Variants in CDYL2 observed in about 807,000 individuals in gnomAD.
The protein encoded by CDYL2 is chromodomain Y-like protein 2.
A neutral mutation model predicts 49.4 loss-of-function variants in CDYL2; 23 were observed. The observed-to-expected ratio is 0.47, with a 90% CI of 0.34 to 0.66. The LOEUF is 0.66. Ranked by LOEUF, CDYL2 falls within the 30% of genes least tolerant of loss-of-function variation. The pLI is 0.01. For synonymous variants in CDYL2, 360 were observed against 268.8 expected, an observed-to-expected ratio of 1.34 and a Z score of -3.32; for missense variants, 678 against 656.4, an observed-to-expected ratio of 1.03 and a Z score of -0.36.
At chr16:80,718,042 C>G (rs996788186) in intron 1 of CDYL2, among the ~76,000 whole-genome samples, 1 of 152,124 alleles carries the variant, frequency 6.6e-6, no homozygotes, top group Non-Finnish European at 1.5e-5. Context: ...CCTGACAAAC[C>G]CAGGAGGGGC....
rs187379943 is a variant in CDYL2 at position 80,679,564 on chromosome 16, G to A, written c.616+4974C>T. Among the ~76,000 whole-genome samples the A allele has an allele frequency of 5.6e-3, 851 of 152,306 alleles. 6 individuals are homozygous for A. Among genetic ancestry groups the A allele is most frequent in the African/African-American group, 0.019 (792 of 41,558 alleles). On this transcript the variant is annotated intron_variant, in intron 2 of 6. Coordinates refer to ENST00000570137, the MANE Select transcript of CDYL2 (RefSeq NM_152342.4). ...AAACTACCTCTCACGACTGCCATGA[G>A]GATCACACAAGGTACTTTGGAAACT...
chr16:80,629,076 G>A (rs1006324161), intron 3 of CDYL2, among the ~76,000 whole-genome samples: 1 of 152,186 alleles, frequency 6.6e-6, no homozygotes, highest in East Asian at 1.9e-4. Context: ...GGTATGTGAG[G>A]TGGGCTGCAC....
chr16:80,655,497 T>C (rs1275621898), intron 2 of CDYL2, among the ~76,000 whole-genome samples: 3 of 151,384 alleles, frequency 2.0e-5, no homozygotes, highest in Non-Finnish European at 4.4e-5. Flanking sequence ...TGATAAAGAG[T>C]GATGCAGGGA....
chr16:80,778,200 CTTT>C (rs1288110868), intron 1 of CDYL2, among the ~76,000 whole-genome samples: 5 of 151,902 alleles, frequency 3.3e-5, no homozygotes, highest in Admixed American at 3.3e-4. Context: ...ATAGCCACTT[CTTT>C]AATTCATGGT....
intron 1 of CDYL2, among the ~76,000 whole-genome samples, chr16:80,690,911 T>A (rs2142486178): frequency 1.3e-5 from 2 of 152,288 alleles, no homozygotes; most frequent in Middle Eastern, 3.4e-3. Flanking sequence ...GCACAATGTA[T>A]AAAATTACAA....
chr16:80,738,320 T>G (rs1905612634), intron 1 of CDYL2, among the ~76,000 whole-genome samples: 1 of 152,196 alleles, frequency 6.6e-6, no homozygotes, highest in African/African-American at 2.4e-5. Flanking sequence ...AGTGCTGCAA[T>G]AAACATACAT....
chr16:80,786,139 T>C (rs974951808), intron 1 of CDYL2, among the ~76,000 whole-genome samples: 18 of 151,822 alleles, frequency 1.2e-4, no homozygotes, highest in African/African-American at 4.4e-4. Flanking sequence ...AAAGAGCTTC[T>C]GCGCAGCAAA....
chr16:80,664,235 G>A (rs1439819580), intron 2 of CDYL2, among the ~76,000 whole-genome samples: 1 of 152,162 alleles, frequency 6.6e-6, no homozygotes, highest in Non-Finnish European at 1.5e-5. Flanking sequence ...AGGACTGTCT[G>A]AGGTTCTCCG....
chr16:80,652,744 G>C (rs1284549290), intron 2 of CDYL2, among the ~76,000 whole-genome samples: 1 of 152,118 alleles, frequency 6.6e-6, no homozygotes, highest in Non-Finnish European at 1.5e-5. Flanking sequence ...GATGAGAATG[G>C]CACTTACCCT....
intron 1 of CDYL2, among the ~76,000 whole-genome samples, chr16:80,686,212 C>T (rs1023544016): frequency 6.6e-6 from 1 of 152,138 alleles, no homozygotes; most frequent in African/African-American, 2.4e-5. Context: ...TATGTAATCC[C>T]GTGGAAAAAT....
At chr16:80,783,461 T>C (rs1382016103) in intron 1 of CDYL2, among the ~76,000 whole-genome samples, 1 of 152,024 alleles carries the variant, frequency 6.6e-6, no homozygotes, top group Non-Finnish European at 1.5e-5. Context: ...AAGTTAAAAA[T>C]AGAATTACCA....
At chr16:80,639,191 CCAA>C (rs778521334) in intron 2 of CDYL2, among the ~76,000 whole-genome samples, 7 of 152,072 alleles carry the variant, frequency 4.6e-5, no homozygotes, top group Non-Finnish European at 8.8e-5. Context: ...ATCCAAAAAC[CCAA>C]CAACACCAAT....
intron 1 of CDYL2, among the ~76,000 whole-genome samples, chr16:80,794,449 C>T (rs1057065348): frequency 4.0e-5 from 6 of 151,830 alleles, no homozygotes; most frequent in African/African-American, 9.7e-5. Flanking sequence ...TCAAAAATAG[C>T]GGAAAAAGCC....
intron 1 of CDYL2, among the ~76,000 whole-genome samples, chr16:80,795,928 A>G (rs1259970678): frequency 6.6e-6 from 1 of 152,268 alleles, no homozygotes; most frequent in Non-Finnish European, 1.5e-5. Context: ...AAGAGATCTC[A>G]TTTTATAGAA....
At chr16:80,646,870 C>T (rs558398187) in intron 2 of CDYL2, among the ~76,000 whole-genome samples, 20 of 147,964 alleles carry the variant, frequency 1.4e-4, no homozygotes, top group South Asian at 1.3e-3. Context: ...AAACACACTT[C>T]GCCTTTAAAG....
At chr16:80,708,507 G>A (rs1265962728) in intron 1 of CDYL2, among the ~76,000 whole-genome samples, 1 of 152,122 alleles carries the variant, frequency 6.6e-6, no homozygotes, top group African/African-American at 2.4e-5. Flanking sequence ...TCTCGGGTAG[G>A]CTTTACTAGC....
At chr16:80,734,990 T>G (rs1905467396) in intron 1 of CDYL2, 1 of 152,190 alleles carries the variant, frequency 6.6e-6, no homozygotes, top group Non-Finnish European at 1.5e-5. Context: ...GTTTCCTTCA[T>G]CAATTCCATG....
chr16:80,717,281 G>A (rs191367074), intron 1 of CDYL2, among the ~76,000 whole-genome samples: 5 of 152,320 alleles, frequency 3.3e-5, no homozygotes, highest in Non-Finnish European at 5.9e-5. Flanking sequence ...GCTACCCAGA[G>A]TCCTAGACTG....
At chr16:80,732,126 T>C (rs1176071620) in intron 1 of CDYL2, among the ~76,000 whole-genome samples, 1 of 152,286 alleles carries the variant, frequency 6.6e-6, no homozygotes, top group East Asian at 1.9e-4. Context: ...TCATTTTTAT[T>C]GACGAAATCC....
Sources: allele counts gnomAD v4.1 joint callset (sites outside exome capture counted in the v4.1 genomes callset), GRCh38; gene constraint gnomAD v4.1.1; transcripts MANE v1.5; gene names NCBI Gene and HGNC (gene_info 2026-07-23, HGNC 2026-07-21).